Variants in ZSCAN5A observed in about 807,000 individuals in gnomAD.
ZSCAN5A encodes zinc finger and SCAN domain-containing protein 5A.
Under a neutral mutation model 23.7 loss-of-function variants are expected in ZSCAN5A, and 12 were observed. The ratio of observed to expected loss-of-function variants is 0.51; its 90% CI spans 0.32 to 0.82. The LOEUF (loss-of-function observed/expected upper bound fraction) is 0.82. Among genes scored for constraint, ZSCAN5A ranks in the 40% least tolerant of loss-of-function variants. ZSCAN5A has a pLI of 0.03. For missense variants in ZSCAN5A, 597 were observed against 617.9 expected (o/e 0.97, Z 0.36); for synonymous variants, 257 against 239.9 (o/e 1.07, Z -0.66).
intron 2 of ZSCAN5A, among the ~76,000 whole-genome samples, chr19:56,249,932 G>C (rs1396970415): frequency 2.6e-5 from 4 of 152,258 alleles, no homozygotes; most frequent in Non-Finnish European, 5.9e-5. Flanking sequence ...ATGAATGGCT[G>C]GTTGAGCTCA....
At chr19:56,258,464 T>TG (rs1175354910) in intron 2 of ZSCAN5A, among the ~76,000 whole-genome samples, 1 of 133,534 alleles carries the variant, frequency 7.5e-6, no homozygotes, top group African/African-American at 3.3e-5. Flanking sequence ...CCTTCCAGTG[T>TG]GGGGGGTGAC....
intron 2 of ZSCAN5A, among the ~76,000 whole-genome samples, chr19:56,290,901 G>C (rs1453758167): frequency 6.6e-6 from 1 of 152,280 alleles, no homozygotes; most frequent in Middle Eastern, 3.4e-3. Flanking sequence ...GTGCTGGGAA[G>C]AAGAGGCAAC....
chr19:56,307,357 T>C (rs1213399330), intron 2 of ZSCAN5A, among the ~76,000 whole-genome samples: 1 of 152,162 alleles, frequency 6.6e-6, no homozygotes, highest in East Asian at 1.9e-4. Flanking sequence ...TCACCAACTA[T>C]GATGAGTGTC....
Position 56,223,655 on chromosome 19 carries a change from C to G in ZSCAN5A, c.564G>C (p.Arg188Ser), listed in dbSNP as rs1568606103. Residue 188 changes from arginine (R) to serine (S), a missense_variant, in exon 4 of 6, where the codon AGG (arginine) becomes AGC (serine). By Grantham distance (110) the Arg-to-Ser change is moderately radical. Transcript: ENST00000683990. ...QAHRELQILP[R>S]VPALSRRQGE... ...CCTGCCTCCTGGACAATGCAGGGAC[C>G]CTGGGCAGGATCTGCAGCTCTCGGT... The G allele has an allele frequency of 3.7e-6, 6 of 1,613,828 alleles. No homozygotes were observed. The highest frequency in any genetic ancestry group is 5.1e-6 in the Non-Finnish European group (6 of 1,180,002).
Position 56,247,050 on chromosome 19 carries a change from GC to G in ZSCAN5A, c.-127-21878del, listed in dbSNP as rs763654021. The G allele has an allele frequency of 9.9e-6, 8 of 808,886 alleles. No homozygotes were observed. In the African/African-American group the frequency reaches 1.4e-4, roughly 14 times the overall value. 50.1% of individuals were successfully genotyped at this position (808,886 alleles called of 1,614,324 possible). ...CCAATGGCCAAGAAGCCAAGGAACT[GC>G]TGCCCTTTGCATGTGGCGTGTGCAA... On this transcript the variant is annotated intron_variant, in intron 2 of 5. Coordinates refer to ENST00000683990, the MANE Select transcript of ZSCAN5A (RefSeq NM_001322064.3).
intron 2 of ZSCAN5A, chr19:56,338,454 A>G (rs1006025829): frequency 1.3e-5 from 2 of 152,198 alleles, no homozygotes; most frequent in Admixed American, 6.5e-5. Flanking sequence ...GAGTGCTACT[A>G]TAACTCAGGA....
At chr19:56,258,818 G>A (rs951172963) in intron 2 of ZSCAN5A, among the ~76,000 whole-genome samples, 10 of 152,132 alleles carry the variant, frequency 6.6e-5, no homozygotes, top group East Asian at 1.9e-4. Context: ...GGGACATTGC[G>A]TGACTCCTGA....
At chr19:56,244,253 C>A in intron 2 of ZSCAN5A, 1 of 1,604,044 alleles carries the variant, frequency 6.2e-7, no homozygotes, top group Non-Finnish European at 8.5e-7. Context: ...GCTGTGCCAT[C>A]TGTGGCTGAG....
At chr19:56,296,244 T>G (rs933704336) in intron 2 of ZSCAN5A, 4 of 151,664 alleles carry the variant, frequency 2.6e-5, no homozygotes, top group African/African-American at 9.7e-5. Flanking sequence ...GGAGGAGGAG[T>G]GGCTTGGGGC....
intron 2 of ZSCAN5A, among the ~76,000 whole-genome samples, chr19:56,252,289 G>A (rs78339797): frequency 0.013 from 2,006 of 152,282 alleles, 43 homozygotes; most frequent in African/African-American, 0.043. Context: ...CCCAAACCTG[G>A]CTTGAGCAGG....
chr19:56,309,734 G>T (rs931206889), intron 2 of ZSCAN5A, among the ~76,000 whole-genome samples: 1 of 152,204 alleles, frequency 6.6e-6, no homozygotes, highest in African/African-American at 2.4e-5. Flanking sequence ...TGCGGGGCGC[G>T]CCCTCTAGTG....
intron 2 of ZSCAN5A, among the ~76,000 whole-genome samples, chr19:56,280,290 C>A (rs78534269): frequency 3.0e-4 from 45 of 152,226 alleles, no homozygotes; most frequent in African/African-American, 1.0e-3. Flanking sequence ...CTTATTTATA[C>A]GTTTTTGGCT....
chr19:56,245,515 G>A, intron 2 of ZSCAN5A: 4 of 399,930 alleles, frequency 1.0e-5, no homozygotes, highest in South Asian at 1.0e-4. Flanking sequence ...GAGAGATTTG[G>A]CACAGGACAA....
At chr19:56,291,143 C>T (rs1387579525) in intron 2 of ZSCAN5A, among the ~76,000 whole-genome samples, 1 of 152,072 alleles carries the variant, frequency 6.6e-6, no homozygotes, top group Non-Finnish European at 1.5e-5. Context: ...GGACCGTTGC[C>T]CCAGAAGACA....
intron 2 of ZSCAN5A, among the ~76,000 whole-genome samples, chr19:56,324,942 C>T (rs961039667): frequency 1.3e-5 from 2 of 152,170 alleles, no homozygotes; most frequent in Admixed American, 6.5e-5. Flanking sequence ...TGAGCCCAGT[C>T]GTGAAGGGCC....
intron 2 of ZSCAN5A, among the ~76,000 whole-genome samples, chr19:56,346,394 GC>G (rs2041633383): frequency 6.6e-6 from 1 of 152,072 alleles, no homozygotes; most frequent in Admixed American, 6.5e-5. Context: ...ACAGGTTGAA[GC>G]CTGCTCTCTA....
intron 2 of ZSCAN5A, chr19:56,246,983 A>G: frequency 7.4e-7 from 1 of 1,354,526 alleles, no homozygotes. Flanking sequence ...CCTGAGATAA[A>G]TTCAGTTTAT....
chr19:56,245,595 T>C (rs1020086038), intron 2 of ZSCAN5A, among the ~76,000 whole-genome samples: 41 of 152,196 alleles, frequency 2.7e-4, no homozygotes, highest in Non-Finnish European at 7.3e-5. Context: ...GAATGAAGCC[T>C]CATCTACTTT....
chr19:56,343,469 C>T (rs530771548), intron 2 of ZSCAN5A: 261 of 459,296 alleles, frequency 5.7e-4, no homozygotes, highest in Non-Finnish European at 8.9e-4. Flanking sequence ...CCAAGGGCTA[C>T]CAAGAAGCTT....
Sources: allele counts gnomAD v4.1 joint callset (sites outside exome capture counted in the v4.1 genomes callset), GRCh38; gene constraint gnomAD v4.1.1; transcripts MANE v1.5; gene names NCBI Gene and HGNC (gene_info 2026-07-23, HGNC 2026-07-21).